Variants in INPP5A observed in about 807,000 individuals in gnomAD.
The protein encoded by INPP5A is 43 kDa inositol polyphosphate 5-phophatase.
In INPP5A, 14 loss-of-function variants were observed where a neutral mutation model predicts 65.2. The observed-to-expected ratio is 0.21, with a 90% CI of 0.14 to 0.34. The LOEUF (loss-of-function observed/expected upper bound fraction) is 0.34. INPP5A is among the 10% of genes least tolerant of loss of function. The probability of loss-of-function intolerance (pLI) is 1.00; values close to 1 mark genes in which losing one functional copy is unlikely to be tolerated. For synonymous variants in INPP5A, 207 were observed against 208.3 expected (o/e 0.99, Z 0.05); for missense variants, 431 against 545.6 (o/e 0.79, Z 2.09).
chr10:132,754,536 G>A (rs1846555862), intron 11 of INPP5A, among the ~76,000 whole-genome samples: 1 of 152,224 alleles, frequency 6.6e-6, no homozygotes, highest in Non-Finnish European at 1.5e-5. Flanking sequence ...CTCCACCCCT[G>A]GCTCCAGTAC....
At position 132,698,764 on chromosome 10, in the gene INPP5A, C is replaced by T. The variant is rs141788642; in HGVS notation, c.474+845C>T. Among the ~76,000 whole-genome samples, 21 of 152,298 alleles carry T rather than the reference C, an allele frequency of 1.4e-4. No individual in the cohort carries two copies. The highest frequency in any genetic ancestry group is 1.2e-3 in the East Asian group (6 of 5,176). ...AGGCTGTGATATAGGAGCTCTCGTCCGGACTTGTCTGCGCAGGCAGCCCCA... is the reference window on the plus strand; with the variant it reads ...AGGCTGTGATATAGGAGCTCTCGTCTGGACTTGTCTGCGCAGGCAGCCCCA... On this transcript the variant is annotated intron_variant, in intron 6 of 15. Coordinates refer to ENST00000368594, the MANE Select transcript of INPP5A (RefSeq NM_005539.5). This position sits in a 1 kb window ranked among gnomAD's most constrained non-coding sequence, Gnocchi z 5.5.
chr10:132,718,018 G>A (rs1845775091), intron 8 of INPP5A, among the ~76,000 whole-genome samples: 1 of 147,932 alleles, frequency 6.8e-6, no homozygotes. Flanking sequence ...TGTGGTACCT[G>A]AGTTCTGTCT....
intron 12 of INPP5A, among the ~76,000 whole-genome samples, chr10:132,772,359 A>AC (rs1846969185): frequency 1.0e-5 from 1 of 98,584 alleles, no homozygotes; most frequent in African/African-American, 3.8e-5. Flanking sequence ...CCACCCCATG[A>AC]AGAGTGGGAC....
At chr10:132,777,827 C>T (rs747290641) in intron 13 of INPP5A, 45 bp downstream of exon 13, 73 of 1,597,964 alleles carry the variant, frequency 4.6e-5, no homozygotes, top group South Asian at 1.0e-4. Context: ...GGATGTGGAG[C>T]GCTGGGTCTG....
rs181378814 is a variant in INPP5A, at chr10:132,709,985, C to T, written c.528-352C>T. Among the ~76,000 whole-genome samples the T allele has an allele frequency of 1.2e-4, 18 of 152,374 alleles. 1 individual carries two copies. Among genetic ancestry groups the T allele is most frequent in the Admixed American group, 6.5e-4 (10 of 15,310 alleles). The stretch of plus-strand genomic sequence containing the variant: ...TTACAGGGTCCCCGATGGGTGCAGC[C>T]GGCAGCCCTGAGCAGCATCAGCTGA... On this transcript the variant is annotated intron_variant, in intron 7 of 15. Transcript: ENST00000368594.
intron 1 of INPP5A, among the ~76,000 whole-genome samples, chr10:132,584,780 G>A (rs2133304641): frequency 6.6e-6 from 1 of 152,292 alleles, no homozygotes; most frequent in Middle Eastern, 3.4e-3. Context: ...CTGTCACCCA[G>A]GCTAGAGTGC....
chr10:132,656,784 T>TG (rs1246797740), intron 4 of INPP5A, among the ~76,000 whole-genome samples: 1 of 152,146 alleles, frequency 6.6e-6, no homozygotes, highest in Non-Finnish European at 1.5e-5. Context: ...CCCAGGGCGG[T>TG]GCAGACCCTT....
chr10:132,765,895 C>T (rs1266958041), intron 12 of INPP5A, 49 bp downstream of exon 12: 2 of 1,064,414 alleles, frequency 1.9e-6, no homozygotes, highest in African/African-American at 1.6e-5. Context: ...AAGGTGGCGT[C>T]TCCACCCTCC....
rs142407743 is a variant in INPP5A, at chr10:132,751,304, G to A, written c.903+1459G>A. The stretch of plus-strand genomic sequence containing the variant: ...CCTTTCCCCCACTGGGGTCGGGTCA[G>A]GCCTTGGTGTCCTGTCCCCACATGG... On this transcript the variant is annotated intron_variant, in intron 11 of 15. Coordinates refer to ENST00000368594, the MANE Select transcript of INPP5A (RefSeq NM_005539.5). Among the ~76,000 whole-genome samples the A allele has an allele frequency of 3.9e-3, 590 of 152,352 alleles. 4 individuals carry two copies. The highest frequency in any genetic ancestry group is 7.5e-3 in the Admixed American group (115 of 15,312).
intron 8 of INPP5A, among the ~76,000 whole-genome samples, chr10:132,718,944 G>C (rs1158127257): frequency 2.0e-5 from 3 of 149,204 alleles, no homozygotes; most frequent in African/African-American, 7.5e-5. Flanking sequence ...CCTGGGTTCT[G>C]TCTGGGCGCC....
At chr10:132,723,906 T>A (rs1845939424) in intron 8 of INPP5A, among the ~76,000 whole-genome samples, 1 of 152,196 alleles carries the variant, frequency 6.6e-6, no homozygotes, top group Non-Finnish European at 1.5e-5. Context: ...AGCGCTTCCC[T>A]TTCTCCTGGG....
intron 8 of INPP5A, among the ~76,000 whole-genome samples, chr10:132,724,756 G>A (rs1564985224): frequency 6.8e-6 from 1 of 147,194 alleles, no homozygotes; most frequent in Non-Finnish European, 1.5e-5. Context: ...GATGACAGGT[G>A]CACATGCCAT....
intron 2 of INPP5A, among the ~76,000 whole-genome samples, chr10:132,634,532 T>G (rs1264125479): frequency 1.3e-5 from 2 of 152,258 alleles, no homozygotes; most frequent in Non-Finnish European, 2.9e-5. Flanking sequence ...GGAGCTTGAC[T>G]GTGTCCTGCA....
intron 9 of INPP5A, among the ~76,000 whole-genome samples, chr10:132,733,950 C>T (rs1158175056): frequency 2.6e-5 from 4 of 152,216 alleles, no homozygotes; most frequent in South Asian, 2.1e-4. Flanking sequence ...CCTGGGCTCT[C>T]CCGGACCTGC....
intron 1 of INPP5A, among the ~76,000 whole-genome samples, chr10:132,596,718 C>T (rs1406458214): frequency 1.3e-5 from 2 of 152,222 alleles, no homozygotes; most frequent in East Asian, 1.9e-4. Context: ...GCGTGAGCCA[C>T]CACGCCCGGC....
At chr10:132,624,453 C>T (rs774800271) in intron 2 of INPP5A, among the ~76,000 whole-genome samples, 6 of 150,480 alleles carry the variant, frequency 4.0e-5, no homozygotes, top group Non-Finnish European at 8.9e-5. Context: ...ACGTGCACTT[C>T]CCACCAGCGT....
chr10:132,731,433 C>G (rs748891042), intron 9 of INPP5A, among the ~76,000 whole-genome samples: 4 of 151,852 alleles, frequency 2.6e-5, no homozygotes, highest in Non-Finnish European at 4.4e-5. Flanking sequence ...TCAGACGCCC[C>G]TGGGAGTGAC....
intron 8 of INPP5A, among the ~76,000 whole-genome samples, chr10:132,717,060 C>T (rs979335331): frequency 1.3e-4 from 20 of 152,246 alleles, no homozygotes; most frequent in Non-Finnish European, 4.4e-5. Flanking sequence ...CGCAACACAA[C>T]TCTGTGGCGG....
At chr10:132,668,958 A>G (rs779735185) in intron 4 of INPP5A, among the ~76,000 whole-genome samples, 26 of 152,298 alleles carry the variant, frequency 1.7e-4, no homozygotes, top group Admixed American at 3.9e-4. Flanking sequence ...AGGAAGGTTA[A>G]GAAACAGCCG....
Sources: gnomAD v4.1 joint callset for allele counts (sites outside exome capture counted in the v4.1 genomes callset) on GRCh38, gnomAD v4.1.1 for gene constraint, Gnocchi (gnomAD v3.1) non-coding constraint, MANE v1.5 for transcripts, NCBI Gene and HGNC (gene_info 2026-07-23, HGNC 2026-07-21) for gene names.